ACAP2: variants seen among roughly 807,000 people sequenced by gnomAD.
ACAP2 encodes the protein ArfGAP with coiled-coil, ankyrin repeat and PH domains 2, also known as arf-GAP with coiled-coil, ANK repeat and PH domain-containing protein 2.
In ACAP2, 39 loss-of-function variants were observed where a neutral mutation model predicts 115.8. The observed-to-expected ratio is 0.34, with a 90% CI of 0.26 to 0.44. The LOEUF (loss-of-function observed/expected upper bound fraction) is 0.44, where lower values mean the gene tolerates loss of function less well. Among genes scored for constraint, ACAP2 ranks in the 20% least tolerant of loss-of-function variants. The pLI is 1.00. For missense variants in ACAP2, 662 were observed against 927.6 expected, an observed-to-expected ratio of 0.71 and a Z score of 3.72; for synonymous variants, 289 against 315.8, an observed-to-expected ratio of 0.92 and a Z score of 0.90.
intron 1 of ACAP2, among the ~76,000 whole-genome samples, chr3:195,409,559 T>C (rs1713077859): frequency 6.6e-6 from 1 of 152,076 alleles, no homozygotes; most frequent in Non-Finnish European, 1.5e-5. Context: ...CTTGTCAAAA[T>C]CACAATGATG....
chr3:195,371,819 G>A (rs930984506), intron 4 of ACAP2, among the ~76,000 whole-genome samples: 4 of 152,010 alleles, frequency 2.6e-5, no homozygotes, highest in African/African-American at 9.7e-5. Flanking sequence ...ACACCACCAA[G>A]CCCAGCTAAT....
chr3:195,329,737 C>T (rs1239734016), intron 8 of ACAP2, among the ~76,000 whole-genome samples: 1 of 152,112 alleles, frequency 6.6e-6, no homozygotes, highest in Non-Finnish European at 1.5e-5. Flanking sequence ...TTTCTCAGTC[C>T]TAGGTTTACT....
In ACAP2 at chr3:195,442,896, G is replaced by C. The variant is rs1246852392; in HGVS notation, c.-49C>G. On this transcript the variant is annotated 5_prime_UTR_variant, in exon 1 of 23. Transcript: ENST00000326793. ...GCTGGCAAAGCCGAGGGGGCCGCGG[G>C]AGCGGCCGCGCTGGGACGCAGACGG... 1.4e-6 allele frequency: 2 copies of C among 1,479,756 alleles called. No individual in the cohort carries two copies. The highest frequency in any genetic ancestry group is 3.0e-5 in the African/African-American group (2 of 67,522). The allele number at this position is 1,479,756 out of a possible 1,614,324, so 91.7% of individuals were successfully genotyped here.
rs188024325 is a variant in ACAP2 at position 195,279,261 on chromosome 3, T to A, written c.*67A>T. On this transcript the variant is annotated 3_prime_UTR_variant, in exon 23 of 23. Coordinates refer to ENST00000326793, the MANE Select transcript of ACAP2 (RefSeq NM_012287.6). ...AAGTAGAATTAAAGCAGTAAAAAAA[T>A]TGTGATTTTTTAGCTGTATACATTA... 2.9e-6 allele frequency: 3 copies of A among 1,023,522 alleles called. No homozygotes were observed. The highest frequency in any genetic ancestry group is 2.6e-5 in the East Asian group (1 of 38,260). 63.4% of individuals were successfully genotyped at this position (1,023,522 alleles called of 1,614,324 possible).
chr3:195,423,639 A>C (rs1045228342), intron 1 of ACAP2, among the ~76,000 whole-genome samples: 1 of 151,778 alleles, frequency 6.6e-6, no homozygotes, highest in South Asian at 2.1e-4. Flanking sequence ...AAAAAAAAAA[A>C]AAAGGAGTAA....
chr3:195,423,622 CAAAAA>C (rs59649323), intron 1 of ACAP2, among the ~76,000 whole-genome samples: 6 of 92,644 alleles, frequency 6.5e-5, no homozygotes, highest in Non-Finnish European at 1.3e-4. Flanking sequence ...GACTCCGTCT[CAAAAA>C]AAAAAAAAAA....
In ACAP2 at chr3:195,314,393, G is replaced by A. The variant is rs114577862; in HGVS notation, c.858-5556C>T. On this transcript the variant is annotated intron_variant, in intron 10 of 22. Coordinates refer to ENST00000326793, the MANE Select transcript of ACAP2 (RefSeq NM_012287.6). ...AGTGATTCTCCTGCCTCAGTTTCCC[G>A]AGGAGCTGGGATTACAGATGCGTGC... is the stretch of plus-strand genomic sequence containing the variant. 6.4e-3 allele frequency among the ~76,000 whole-genome samples: 970 copies of A among 151,942 alleles called. 16 individuals carry two copies. Among genetic ancestry groups the A allele is most frequent in the African/African-American group, 0.021 (878 of 41,446 alleles).
intron 1 of ACAP2, among the ~76,000 whole-genome samples, chr3:195,426,048 A>G (rs1024290759): frequency 1.3e-5 from 2 of 152,176 alleles, no homozygotes; most frequent in African/African-American, 2.4e-5. Context: ...TGCACTAACC[A>G]TAACATCCAA....
At chr3:195,408,570 A>C (rs967201466) in intron 1 of ACAP2, among the ~76,000 whole-genome samples, 1 of 152,212 alleles carries the variant, frequency 6.6e-6, no homozygotes, top group African/African-American at 2.4e-5. Flanking sequence ...TTTTCCAAAA[A>C]AGTGAAGAGG....
chr3:195,409,416 A>C (rs532655442), intron 1 of ACAP2, among the ~76,000 whole-genome samples: 2 of 152,190 alleles, frequency 1.3e-5, no homozygotes, highest in Non-Finnish European at 2.9e-5. Flanking sequence ...AGAAACTATA[A>C]GGCATTCCTG....
intron 4 of ACAP2, among the ~76,000 whole-genome samples, chr3:195,365,083 T>C (rs1354597224): frequency 2.0e-5 from 3 of 152,136 alleles, no homozygotes; most frequent in African/African-American, 2.4e-5. Context: ...ATTAAAACAA[T>C]TGAACTCATA....
chr3:195,281,707 G>C (rs2108888014), intron 22 of ACAP2, among the ~76,000 whole-genome samples: 1 of 152,296 alleles, frequency 6.6e-6, no homozygotes, highest in Non-Finnish European at 1.5e-5. Flanking sequence ...TTTTGTAAAA[G>C]TTCACTTCCA....
intron 2 of ACAP2, among the ~76,000 whole-genome samples, chr3:195,382,260 C>T (rs1423840855): frequency 6.6e-6 from 1 of 151,780 alleles, no homozygotes; most frequent in African/African-American, 2.4e-5. Context: ...GTGATAACAA[C>T]AACAAAAGTA....
chr3:195,337,099 C>T, intron 6 of ACAP2, 123 bp from the exon 7 acceptor site: 1 of 793,826 alleles, frequency 1.3e-6, no homozygotes, highest in Non-Finnish European at 1.9e-6. Context: ...AAACAAAGCT[C>T]AAGCTTTTTC....
intron 1 of ACAP2, among the ~76,000 whole-genome samples, chr3:195,440,813 T>C (rs550299144): frequency 3.3e-5 from 5 of 152,324 alleles, no homozygotes; most frequent in African/African-American, 7.2e-5. Context: ...CTTCCCTCTA[T>C]TGCAAATCTA....
intron 4 of ACAP2, among the ~76,000 whole-genome samples, chr3:195,365,514 C>A (rs972486916): frequency 2.0e-5 from 3 of 151,956 alleles, no homozygotes; most frequent in Non-Finnish European, 4.4e-5. Context: ...CAGAGCAGTG[C>A]TATGATCATG....
intron 4 of ACAP2, among the ~76,000 whole-genome samples, chr3:195,371,158 G>A (rs947080711): frequency 6.6e-6 from 1 of 151,986 alleles, no homozygotes; most frequent in African/African-American, 2.4e-5. Flanking sequence ...TGGGCTGTAT[G>A]GCCATTTTAA....
Position 195,332,957 on chromosome 3 carries a change from T to C in ACAP2, c.669+71A>G, listed in dbSNP as rs192347581. 4 of 1,138,208 alleles carry C rather than the reference T, an allele frequency of 3.5e-6. No homozygotes were observed. The African/African-American group carries it at 4.8e-5, about 14-fold the overall frequency. 70.5% of individuals were successfully genotyped at this position (1,138,208 alleles called of 1,614,324 possible). On this transcript the variant is annotated intron_variant, in intron 8 of 22. Transcript: ENST00000326793. ...TGAGAACAAACTAGTACACCTCCAA[T>C]ATGCTAAATTTCTTTAAAAATACAA...
At chr3:195,427,925 G>A (rs1401620072) in intron 1 of ACAP2, among the ~76,000 whole-genome samples, 1 of 151,574 alleles carries the variant, frequency 6.6e-6, no homozygotes, top group Non-Finnish European at 1.5e-5. Flanking sequence ...GAAAAAACAG[G>A]TGCATTCAAT....
Sources: allele counts gnomAD v4.1 joint callset (sites outside exome capture counted in the v4.1 genomes callset), GRCh38; gene constraint gnomAD v4.1.1; transcripts MANE v1.5; gene names NCBI Gene and HGNC (gene_info 2026-07-23, HGNC 2026-07-21).